PCDHGA7: variants seen among roughly 807,000 people sequenced by gnomAD.
The protein encoded by PCDHGA7 is protocadherin gamma subfamily A, 7, also known as protocadherin gamma-A7.
In PCDHGA7, 44 loss-of-function variants were observed where a neutral mutation model predicts 58.3. The observed-to-expected ratio is 0.75, with a 90% CI of 0.59 to 0.97. The LOEUF (loss-of-function observed/expected upper bound fraction) is 0.97. Ranked by LOEUF, PCDHGA7 falls within the 50% of genes least tolerant of loss-of-function variation. The pLI is 0.00. For synonymous variants in PCDHGA7, 516 were observed against 504.2 expected, an observed-to-expected ratio of 1.02 and a Z score of -0.31; for missense variants, 1,266 against 1,188.7, an observed-to-expected ratio of 1.06 and a Z score of -0.96.
chr5:141,395,400 G>C, intron 1 of PCDHGA7: 1 of 859,976 alleles, frequency 1.2e-6, no homozygotes, highest in Non-Finnish European at 1.7e-6. Context: ...AACTCTAATA[G>C]TCATAGGTTA....
Position 141,383,770 on chromosome 5 carries a change from A to G in PCDHGA7, c.871A>G (p.Met291Val), listed in dbSNP as rs776707003. ...GAAAATAACTCCTAAACTTCCAAAG[A>G]TGTTTCATCTGAACTCGCTTACAGG... ...FRKITPKLPK[M>V]FHLNSLTGEI... The change falls in exon 1 of 4, where the codon ATG becomes GTG. Residue 291 changes from methionine to valine, a missense_variant. Transcript: ENST00000518325. 1 of 1,613,890 alleles carries G rather than the reference A, an allele frequency of 6.2e-7. No homozygotes were observed. Among genetic ancestry groups the G allele is most frequent in the East Asian group, 2.2e-5 (1 of 44,900 alleles).
intron 1 of PCDHGA7, among the ~76,000 whole-genome samples, chr5:141,386,678 G>A (rs1376452903): frequency 6.6e-6 from 1 of 152,012 alleles, no homozygotes; most frequent in African/African-American, 2.4e-5. Flanking sequence ...CATTTCAGAT[G>A]TACAATCACT....
chr5:141,400,091 C>T, intron 1 of PCDHGA7: 4 of 1,614,072 alleles, frequency 2.5e-6, no homozygotes, highest in South Asian at 1.1e-5. Context: ...GCCACCGCCA[C>T]GCTGCACTTG....
At position 141,477,965 on chromosome 5, in the gene PCDHGA7, A is replaced by G. The variant is rs1415974296; in HGVS notation, c.2425-16842A>G. On this transcript the variant is annotated intron_variant, in intron 1 of 3. Coordinates refer to ENST00000518325, the MANE Select transcript of PCDHGA7 (RefSeq NM_018920.4). This position sits in a 1 kb window ranked among gnomAD's most constrained non-coding sequence, Gnocchi z 4.9. ...CAGTCTCTTGGGATCCCCTAACCAGAGCCTTTTTGCCATAGGGCTGCACAC... is the reference window on the plus strand; with the variant it reads ...CAGTCTCTTGGGATCCCCTAACCAGGGCCTTTTTGCCATAGGGCTGCACAC... 4 of 1,614,030 alleles carry G rather than the reference A, an allele frequency of 2.5e-6. No individual in the cohort carries two copies. In the Middle Eastern group the frequency reaches 4.9e-4, roughly 200 times the overall value.
intron 2 of PCDHGA7, among the ~76,000 whole-genome samples, chr5:141,499,576 G>C (rs2099792836): frequency 1.3e-5 from 2 of 151,790 alleles, no homozygotes; most frequent in Non-Finnish European, 2.9e-5. Context: ...TTCAACTAAT[G>C]CCTTATCTTG....
intron 1 of PCDHGA7, among the ~76,000 whole-genome samples, chr5:141,435,951 G>C (rs371199258): frequency 3.9e-5 from 6 of 152,100 alleles, no homozygotes; most frequent in African/African-American, 1.4e-4. Flanking sequence ...ACCAAAAAAG[G>C]GGGCAAAATA....
At chr5:141,508,408 C>T (rs938019804) in intron 3 of PCDHGA7, 1 of 152,180 alleles carries the variant, frequency 6.6e-6, no homozygotes, top group Non-Finnish European at 1.5e-5. Context: ...GCTTGAGCCA[C>T]GCAGAGACTT....
rs1329974843 is a variant in PCDHGA7 at position 141,384,053 on chromosome 5, C to T, written c.1154C>T (p.Thr385Ile). Reference protein sequence around the residue: ...DSGKNGEVTCTIPENLPFKLE... With the variant: ...DSGKNGEVTCIIPENLPFKLE... ...GGAAAGAATGGTGAGGTGACCTGCA[C>T]CATTCCAGAAAACCTACCTTTTAAA... Residue 385 changes from threonine to isoleucine, a missense_variant, in exon 1 of 4, where the codon ACC (threonine) becomes ATC (isoleucine). Transcript: ENST00000518325. The T allele has an allele frequency of 6.2e-7, 1 of 1,610,750 alleles. No homozygotes were observed. Among genetic ancestry groups the T allele is most frequent in the Non-Finnish European group, 8.5e-7 (1 of 1,178,180 alleles).
At chr5:141,389,328 A>G (rs2091708257) in intron 1 of PCDHGA7, 2 of 1,613,854 alleles carry the variant, frequency 1.2e-6, no homozygotes, top group African/African-American at 2.7e-5. Context: ...CTTGGGGCCC[A>G]ACGGCCAAGT....
chr5:141,465,021 C>A (rs974818222), intron 1 of PCDHGA7, among the ~76,000 whole-genome samples: 1 of 152,100 alleles, frequency 6.6e-6, no homozygotes, highest in Non-Finnish European at 1.5e-5. Flanking sequence ...AGATTACAGC[C>A]ATGAACCACC....
chr5:141,444,043 T>C (rs542828018), intron 1 of PCDHGA7, among the ~76,000 whole-genome samples: 1 of 151,820 alleles, frequency 6.6e-6, no homozygotes, highest in African/African-American at 2.4e-5. Context: ...AATCAGATAA[T>C]TTGGCATCTT....
Position 141,410,521 on chromosome 5 carries a change from A to G in PCDHGA7, c.2424+25198A>G, listed in dbSNP as rs201505796. ...ATTTCCTAAAATGCAGTGTGCCCCT[A>G]CATTCCAATGAAGACATGGTTTGCA... is the stretch of plus-strand genomic sequence containing the variant. On this transcript the variant is annotated intron_variant, in intron 1 of 3. Coordinates refer to ENST00000518325, the MANE Select transcript of PCDHGA7 (RefSeq NM_018920.4). 1,940 of 1,613,966 alleles carry G rather than the reference A, an allele frequency of 1.2e-3. 3 individuals are homozygous for G. Among genetic ancestry groups the G allele is most frequent in the Non-Finnish European group, 1.5e-3 (1,760 of 1,179,896 alleles).
intron 1 of PCDHGA7, chr5:141,414,389 A>G: frequency 1.9e-6 from 3 of 1,613,926 alleles, no homozygotes; most frequent in African/African-American, 2.7e-5. Context: ...ATTGACAGTT[A>G]TTACAGATTG....
At chr5:141,410,195 G>C (rs769655902) in intron 1 of PCDHGA7, 1 of 1,613,966 alleles carries the variant, frequency 6.2e-7, no homozygotes, top group South Asian at 1.1e-5. Flanking sequence ...TCTGGTCTTC[G>C]CAGACAACTT....
chr5:141,387,793 A>T, intron 1 of PCDHGA7: 1 of 1,495,928 alleles, frequency 6.7e-7, no homozygotes, highest in Non-Finnish European at 8.9e-7. Flanking sequence ...CTGCAACTAA[A>T]GTCCGTTCGG....
chr5:141,463,510 G>A (rs1031854898), intron 1 of PCDHGA7, among the ~76,000 whole-genome samples: 4 of 143,710 alleles, frequency 2.8e-5, no homozygotes, highest in Non-Finnish European at 4.5e-5. Context: ...GTGACGTGGC[G>A]TGATCTCGGC....
intron 1 of PCDHGA7, chr5:141,428,769 T>A (rs1367357065): frequency 6.5e-6 from 1 of 154,242 alleles, no homozygotes; most frequent in Non-Finnish European, 1.4e-5. Flanking sequence ...TTGCCCACTC[T>A]TAATATTTCC....
At chr5:141,418,013 A>G (rs769578436) in intron 1 of PCDHGA7, 45 of 1,613,788 alleles carry the variant, frequency 2.8e-5, no homozygotes, top group African/African-American at 4.0e-5. Flanking sequence ...GAACCTCGCT[A>G]AGGATCTAGG....
Position 141,384,620 on chromosome 5 carries a change from G to T in PCDHGA7, c.1721G>T (p.Gly574Val). ...GCCCTCCCCACAGATGGTTCTACTG[G>T]CATGGAGCTGGCACCCCGCTCCGCA... ...YPALPTDGST[G>V]MELAPRSAEP... The change falls in exon 1 of 4, where the codon GGC becomes GTC. Residue 574 changes from glycine (G) to valine (V), a missense_variant. Coordinates refer to ENST00000518325, the MANE Select transcript of PCDHGA7 (RefSeq NM_018920.4). The T allele has an allele frequency of 6.2e-7, 1 of 1,614,200 alleles. No homozygotes were observed. The highest frequency in any genetic ancestry group is 8.5e-7 in the Non-Finnish European group (1 of 1,180,026).
Sources: allele counts gnomAD v4.1 joint callset (sites outside exome capture counted in the v4.1 genomes callset), GRCh38; gene constraint gnomAD v4.1.1; non-coding constraint Gnocchi (gnomAD v3.1); transcripts MANE v1.5; gene names NCBI Gene and HGNC (gene_info 2026-07-23, HGNC 2026-07-21).